Variants in TDRD10 observed in about 807,000 individuals in gnomAD.
TDRD10 encodes tudor domain containing 10.
A neutral mutation model predicts 48.0 loss-of-function variants in TDRD10; 40 were observed. The ratio of observed to expected loss-of-function variants is 0.83; its 90% confidence interval spans 0.65 to 1.09. The LOEUF is 1.09. Among genes scored for constraint, TDRD10 ranks in the 50% least tolerant of loss-of-function variants. The pLI is 0.00. For missense variants in TDRD10, 378 were observed against 434.7 expected, an observed-to-expected ratio of 0.87 and a Z score of 1.16; for synonymous variants, 162 against 170.4, an observed-to-expected ratio of 0.95 and a Z score of 0.38.
At chr1:154,542,586 T>G (rs2149352570) in intron 7 of TDRD10, 145 bp from the exon 8 acceptor site, 1 of 594,178 alleles carries the variant, frequency 1.7e-6, no homozygotes, top group Admixed American at 3.1e-5. Context: ...GATGAGAATC[T>G]AGAGACTGAG....
chr1:154,546,562 G>A (rs150268264), intron 11 of TDRD10, among the ~76,000 whole-genome samples: 1 of 149,726 alleles, frequency 6.7e-6, no homozygotes, highest in African/African-American at 2.5e-5. Flanking sequence ...CTGGGAGGCT[G>A]GTGGGGCTTG....
chr1:154,544,613 C>T lies in TDRD10; in HGVS notation c.797+96C>T, dbSNP rs567354984. 22 of 1,504,452 alleles carry T rather than the reference C, an allele frequency of 1.5e-5. No individual in the cohort carries two copies. In the South Asian group the frequency reaches 2.7e-4, roughly 18 times the overall value. 93.2% of individuals were successfully genotyped at this position (1,504,452 alleles called of 1,614,324 possible). On this transcript the variant is annotated intron_variant, in intron 10 of 12. Coordinates refer to ENST00000368482, the MANE Select transcript of TDRD10 (RefSeq NM_182499.4). ...TTCCTTTGGGCTCTGGTTTTTTTTC[C>T]TGTGGCTTCTTCTCTCAAAATCATC...
At chr1:154,519,482 A>G (rs900757518) in intron 4 of TDRD10, among the ~76,000 whole-genome samples, 1 of 152,174 alleles carries the variant, frequency 6.6e-6, no homozygotes, top group South Asian at 2.1e-4. Flanking sequence ...GGAAGGAGGA[A>G]GTATTGAGGG....
At chr1:154,542,906 C>A in intron 8 of TDRD10, 85 bp downstream of exon 8, 1 of 1,152,534 alleles carries the variant, frequency 8.7e-7, no homozygotes, top group Non-Finnish European at 1.3e-6. Flanking sequence ...AAGGATAGTA[C>A]TGGGGTGGGG....
At chr1:154,536,478 T>C (rs1694924586) in intron 6 of TDRD10, among the ~76,000 whole-genome samples, 1 of 152,228 alleles carries the variant, frequency 6.6e-6, no homozygotes. Context: ...GGGGGTGACA[T>C]AGCCAGATAG....
intron 6 of TDRD10, among the ~76,000 whole-genome samples, chr1:154,539,725 G>A (rs1695122646): frequency 6.6e-6 from 1 of 152,232 alleles, no homozygotes; most frequent in African/African-American, 2.4e-5. Flanking sequence ...GGTAATTGTT[G>A]AAAGACACTT....
chr1:154,514,121 C>T (rs1018776777), intron 4 of TDRD10, among the ~76,000 whole-genome samples: 2 of 152,110 alleles, frequency 1.3e-5, no homozygotes, highest in Non-Finnish European at 2.9e-5. Flanking sequence ...ACTGGGGAGG[C>T]GGAGGTTGCA....
chr1:154,541,676 G>A (rs1435527783), intron 6 of TDRD10, among the ~76,000 whole-genome samples: 1 of 152,186 alleles, frequency 6.6e-6, no homozygotes, highest in Admixed American at 6.5e-5. Context: ...CCTCCCTGCA[G>A]GTAGTGCCAG....
chr1:154,509,659 G>A (rs988329395), intron 4 of TDRD10: 3 of 221,208 alleles, frequency 1.4e-5, no homozygotes, highest in African/African-American at 7.0e-5. Flanking sequence ...TCTGACAGAA[G>A]AAAATGTTAT....
chr1:154,546,024 C>T (rs1481802658), intron 11 of TDRD10, among the ~76,000 whole-genome samples: 19 of 147,164 alleles, frequency 1.3e-4, no homozygotes, highest in Admixed American at 5.5e-4. Flanking sequence ...CCGCCCACCT[C>T]GGCCTCCCAA....
intron 4 of TDRD10, among the ~76,000 whole-genome samples, chr1:154,515,948 C>A (rs949966723): frequency 6.6e-6 from 1 of 152,154 alleles, no homozygotes; most frequent in African/African-American, 2.4e-5. Context: ...AACTCCTGAC[C>A]TCAGGTGATC....
intron 4 of TDRD10, among the ~76,000 whole-genome samples, chr1:154,518,510 C>T (rs1202358803): frequency 1.3e-5 from 2 of 152,114 alleles, no homozygotes; most frequent in African/African-American, 4.8e-5. Context: ...TCACTGCAAG[C>T]TCCACCTCCC....
intron 4 of TDRD10, among the ~76,000 whole-genome samples, chr1:154,508,876 C>A (rs777912568): frequency 1.3e-5 from 2 of 152,160 alleles, no homozygotes; most frequent in Admixed American, 1.3e-4. Flanking sequence ...GTTAAATGAG[C>A]TGGTTCAGTC....
In TDRD10 at chr1:154,547,438, C is replaced by T. The variant is rs765493756; in HGVS notation, c.982C>T (p.Arg328Ter). Reference protein sequence around the residue: ...DILSSYEVVHRILKGKITGAL... With the variant: ...DILSSYEVVH The stretch of plus-strand genomic sequence containing the variant: ...TTTGAGTTCGTATGAGGTTGTCCAT[C>T]GAATCCTCAAAGGGAAAATCACTGG... Residue 328 changes from arginine (R) to a stop codon, truncating the protein, a stop_gained, in exon 12 of 13, where the codon CGA becomes TGA. Transcript: ENST00000368482. LOFTEE classifies it low-confidence loss of function (END_TRUNC). 9.9e-6 allele frequency: 16 copies of T among 1,614,052 alleles called. No homozygotes were observed. The highest frequency in any genetic ancestry group is 7.7e-5 in the South Asian group (7 of 91,088).
chr1:154,544,939 G>A lies in TDRD10; in HGVS notation c.942G>A (p.Met314Ile). 6.2e-7 allele frequency: 1 copy of A among 1,614,094 alleles called. No individual in the cohort carries two copies. The highest frequency in any genetic ancestry group is 8.5e-7 in the Non-Finnish European group (1 of 1,180,008). The change falls in exon 11 of 13, where the codon ATG becomes ATA. Residue 314 changes from methionine (M) to isoleucine (I), a missense_variant. By Grantham distance (10) the Met-to-Ile change is conservative (BLOSUM62 1). Around this residue, in one of 2 missense-constraint regions of TDRD10, gnomAD observed 68 missense variants for 111.1 expected, o/e 0.61. Transcript: ENST00000368482. ...TCCCACCCCTGACTCAGCCATTCATGCTGGAGAAAGGTGAGACATCTTCTA... is the reference window on the plus strand; with the variant it reads ...TCCCACCCCTGACTCAGCCATTCATACTGGAGAAAGGTGAGACATCTTCTA... ...WTIPPLTQPF[M>I]LEKDILSSYE...
At chr1:154,529,280 G>A (rs6427720) in intron 6 of TDRD10, among the ~76,000 whole-genome samples, 118,934 of 151,548 alleles carry the variant, frequency 0.78, 47,370 homozygotes, top group East Asian at 0.92. Context: ...CGCCATGTTG[G>A]CCAGGCAGGT....
At chr1:154,513,157 C>T (rs372429119) in intron 4 of TDRD10, among the ~76,000 whole-genome samples, 8 of 152,012 alleles carry the variant, frequency 5.3e-5, no homozygotes, top group East Asian at 1.9e-4. Context: ...GCACCAAAGA[C>T]GGAGCAATTT....
intron 6 of TDRD10, among the ~76,000 whole-genome samples, chr1:154,529,570 A>C (rs1174104022): frequency 2.2e-5 from 3 of 137,408 alleles, no homozygotes; most frequent in African/African-American, 8.3e-5. Context: ...TTTGAGACGG[A>C]GTTTTGTTCC....
intron 1 of TDRD10, among the ~76,000 whole-genome samples, chr1:154,504,795 C>T (rs958788446): frequency 6.6e-6 from 1 of 152,110 alleles, no homozygotes; most frequent in Non-Finnish European, 1.5e-5. Context: ...CAGATAAAGC[C>T]TGGCCAACAT....
Sources: allele counts gnomAD v4.1 joint callset (sites outside exome capture counted in the v4.1 genomes callset), GRCh38; gene constraint gnomAD v4.1.1; regional missense constraint gnomAD v4.1.1; transcripts MANE v1.5; gene names NCBI Gene and HGNC (gene_info 2026-07-23, HGNC 2026-07-21).